The following CACNA1C variants were observed in gnomAD, a reference collection of about 807,000 sequenced individuals.
The protein encoded by CACNA1C is calcium voltage-gated channel subunit alpha1 C, also known as voltage-dependent L-type calcium channel subunit alpha-1C.
CACNA1C carries 30 observed loss-of-function variants against 229.0 expected under a neutral mutation model. That is an observed-to-expected ratio of 0.13 (90% CI 0.10 to 0.18). CACNA1C has a LOEUF of 0.18. CACNA1C is among the 10% of genes least tolerant of loss of function. CACNA1C has a pLI of 1.00. For missense variants in CACNA1C, 1,658 were observed against 2,845.0 expected, an observed-to-expected ratio of 0.58 and a Z score of 9.49; for synonymous variants, 1,114 against 1,132.5, an observed-to-expected ratio of 0.98 and a Z score of 0.33.
In CACNA1C at chr12:2,277,098, G is replaced by T. The variant is rs575525330; in HGVS notation, c.477+156668G>T. On this transcript the variant is annotated intron_variant, in intron 3 of 46. Transcript: ENST00000399655. ...AATATTAATAGCTGACATTTGCATA[G>T]CACTTCACAGTTAATATAACACTCT... is the stretch of plus-strand genomic sequence containing the variant. Among the ~76,000 whole-genome samples the T allele has an allele frequency of 2.6e-5, 4 of 152,102 alleles. No individual in the cohort carries two copies. The South Asian group carries it at 8.3e-4, about 32-fold the overall frequency.
chr12:2,447,356 A>G lies in CACNA1C; in HGVS notation c.478-1620A>G, dbSNP rs181837531. Among the ~76,000 whole-genome samples the G allele has an allele frequency of 5.2e-3, 798 of 152,266 alleles. 10 individuals are homozygous for G. Among genetic ancestry groups the G allele is most frequent in the Admixed American group, 0.013 (193 of 15,304 alleles). On this transcript the variant is annotated intron_variant, in intron 3 of 46. Coordinates refer to ENST00000399655, the MANE Select transcript of CACNA1C (RefSeq NM_000719.7). ...AGGGAAGGACGAATCTGCCTCTGAG[A>G]TGCTGATGAAATCTGACCCCTGCAC...
intron 13 of CACNA1C, among the ~76,000 whole-genome samples, chr12:2,580,177 C>T (rs1213833417): frequency 1.3e-5 from 2 of 152,174 alleles, no homozygotes; most frequent in Non-Finnish European, 2.9e-5. Flanking sequence ...AGAACAGATA[C>T]AAATAGATGT....
chr12:2,163,522 C>T (rs1566074711), intron 3 of CACNA1C, among the ~76,000 whole-genome samples: 1 of 152,246 alleles, frequency 6.6e-6, no homozygotes, highest in East Asian at 1.9e-4. Flanking sequence ...TTCTTACCAC[C>T]CCCTGGTGGG....
In CACNA1C at chr12:2,120,310, G is replaced by A. The variant is rs55792866; in HGVS notation, c.372-15G>A. On this transcript the variant is annotated splice_polypyrimidine_tract_variant and intron_variant, in intron 2 of 46. Coordinates refer to ENST00000399655, the MANE Select transcript of CACNA1C (RefSeq NM_000719.7). ...TACTTTCTGTGGCATTAACTTCCTT[G>A]ACTCCCTTTCTCAGACCATTTGAAA... The A allele has an allele frequency of 0.025, 31,717 of 1,264,380 alleles. 539 individuals carry two copies. Among genetic ancestry groups the A allele is most frequent in the African/African-American group, 0.049 (3,317 of 68,226 alleles). 78.3% of individuals were successfully genotyped at this position (1,264,380 alleles called of 1,614,324 possible). A position where few individuals can be genotyped will look rare whatever the true frequency, so the allele number is the denominator to read the frequency against.
chr12:2,450,751 C>A (rs2099362048), intron 4 of CACNA1C, among the ~76,000 whole-genome samples: 1 of 152,036 alleles, frequency 6.6e-6, no homozygotes, highest in Non-Finnish European at 1.5e-5. Context: ...GAAGTCCTGG[C>A]AGTCTGCAGA....
At chr12:2,317,373 C>T (rs1350370682) in intron 3 of CACNA1C, among the ~76,000 whole-genome samples, 5 of 152,236 alleles carry the variant, frequency 3.3e-5, no homozygotes, top group East Asian at 1.9e-4. Context: ...GAGGACATGA[C>T]GCGAAGAGAA....
chr12:2,338,607 C>G lies in CACNA1C; in HGVS notation c.478-110369C>G, dbSNP rs538125865. ...TGGCAGATGCCATTCTTTTGCTCCC[C>G]AGAGACTGGGTGATGTCTGAGAGAT... On this transcript the variant is annotated intron_variant, in intron 3 of 46. Coordinates refer to ENST00000399655, the MANE Select transcript of CACNA1C (RefSeq NM_000719.7). 4.6e-5 allele frequency among the ~76,000 whole-genome samples: 7 copies of G among 152,230 alleles called. No homozygotes were observed. In the South Asian group the frequency reaches 1.5e-3, roughly 32 times the overall value.
chr12:2,183,374 G>A (rs1166322200), intron 3 of CACNA1C, among the ~76,000 whole-genome samples: 2 of 152,184 alleles, frequency 1.3e-5, no homozygotes, highest in Non-Finnish European at 1.5e-5. Flanking sequence ...TCTGTGTCCC[G>A]CTGATCTGGT....
chr12:2,546,449 G>T (rs531765300), intron 9 of CACNA1C, among the ~76,000 whole-genome samples: 1 of 152,302 alleles, frequency 6.6e-6, no homozygotes, highest in African/African-American at 2.4e-5. Context: ...CTGTGCAGTT[G>T]CTGGTGTCTT....
intron 37 of CACNA1C, among the ~76,000 whole-genome samples, chr12:2,667,352 CAG>C (rs1319429216): frequency 9.5e-6 from 1 of 104,966 alleles, no homozygotes; most frequent in Non-Finnish European, 1.7e-5. Flanking sequence ...AATGAGCTGA[CAG>C]AGAGCTGGGG....
intron 9 of CACNA1C, among the ~76,000 whole-genome samples, chr12:2,545,740 A>G (rs956355544): frequency 2.0e-5 from 3 of 152,208 alleles, no homozygotes; most frequent in Middle Eastern, 3.2e-3. Context: ...AAAAAACACA[A>G]TTCCTTTTGC....
At chr12:2,036,528 C>T (rs986266326) in intron 1 of CACNA1C, among the ~76,000 whole-genome samples, 2 of 151,872 alleles carry the variant, frequency 1.3e-5, no homozygotes, top group African/African-American at 4.8e-5. Flanking sequence ...GCTGTAGGTG[C>T]GATGTTGGCT....
chr12:2,323,971 C>T (rs969697422), intron 3 of CACNA1C, among the ~76,000 whole-genome samples: 3 of 152,154 alleles, frequency 2.0e-5, no homozygotes, highest in Non-Finnish European at 2.9e-5. Flanking sequence ...AATCTGAGTC[C>T]TTCCATTCCA....
At chr12:2,109,748 C>A (rs1185789993) in intron 1 of CACNA1C, among the ~76,000 whole-genome samples, 1 of 152,182 alleles carries the variant, frequency 6.6e-6, no homozygotes, top group African/African-American at 2.4e-5. Context: ...GCTACTGCAG[C>A]ACTTGTGGGC....
Position 2,646,144 on chromosome 12 carries a change from TTAAA to T in CACNA1C, c.3913-2325_3913-2322del, listed in dbSNP as rs1043908326. Among the ~76,000 whole-genome samples, 3 of 152,178 alleles carry T rather than the reference TTAAA, an allele frequency of 2.0e-5. No homozygotes were observed. The highest frequency in any genetic ancestry group is 7.2e-5 in the African/African-American group (3 of 41,436). ...GTCAAGTCTTGAAGTGAAATATGAC[TTAAA>T]TAAATGAGGTCTTAAATGGGAGCTA... On this transcript the variant is annotated intron_variant, in intron 30 of 46. Transcript: ENST00000399655. The surrounding 1 kb of genome is among the most constrained non-coding windows in gnomAD (Gnocchi z 4.6).
intron 3 of CACNA1C, among the ~76,000 whole-genome samples, chr12:2,121,881 G>A (rs773215144): frequency 1.3e-5 from 2 of 152,200 alleles, no homozygotes; most frequent in East Asian, 1.9e-4. Context: ...CATAGAATCC[G>A]TATCTTGTTC....
chr12:2,539,183 G>A (rs11062263), intron 9 of CACNA1C, among the ~76,000 whole-genome samples: 22,229 of 142,856 alleles, frequency 0.16, 1,881 homozygotes, highest in African/African-American at 0.26. Flanking sequence ...GGAAACAGTA[G>A]GTACTCTTAA....
Position 2,512,221 on chromosome 12 carries a change from G to A in CACNA1C, c.1218-591G>A, listed in dbSNP as rs1346878185. Among the ~76,000 whole-genome samples, 17 of 152,172 alleles carry A rather than the reference G, an allele frequency of 1.1e-4. No homozygotes were observed. The highest frequency in any genetic ancestry group is 1.1e-3 in the Admixed American group (17 of 15,278). Reference sequence around the variant, plus strand: ...TTCAGCATTTGCCAGTTACCATGGTGTAAATATTCCCACTGTGGCCGATCT... The same window carrying A: ...TTCAGCATTTGCCAGTTACCATGGTATAAATATTCCCACTGTGGCCGATCT... On this transcript the variant is annotated intron_variant, in intron 8 of 46. Transcript: ENST00000399655. This position sits in a 1 kb window ranked among gnomAD's most constrained non-coding sequence, Gnocchi z 4.3.
intron 29 of CACNA1C, among the ~76,000 whole-genome samples, chr12:2,627,830 G>A (rs964161919): frequency 5.9e-5 from 9 of 152,040 alleles, no homozygotes; most frequent in East Asian, 3.9e-4. Flanking sequence ...ATCCAGCCCC[G>A]AAGTCCTGCA....
Sources: allele counts gnomAD v4.1 joint callset (sites outside exome capture counted in the v4.1 genomes callset), GRCh38; gene constraint gnomAD v4.1.1; non-coding constraint Gnocchi (gnomAD v3.1); transcripts MANE v1.5; gene names NCBI Gene and HGNC (gene_info 2026-07-23, HGNC 2026-07-21).